FOXN3: variants seen among roughly 807,000 people sequenced by gnomAD.
FOXN3 encodes forkhead box protein N3.
A neutral mutation model predicts 38.4 loss-of-function variants in FOXN3; 7 were observed. The ratio of observed to expected loss-of-function variants is 0.18; its 90% CI spans 0.10 to 0.34. FOXN3 has a LOEUF of 0.34. Among genes scored for constraint, FOXN3 ranks in the 10% least tolerant of loss-of-function variants. FOXN3 has a pLI of 1.00. For synonymous variants in FOXN3, 230 were observed against 242.2 expected (o/e 0.95, Z 0.47); for missense variants, 456 against 613.4 (o/e 0.74, Z 2.71).
chr14:89,344,139 A>T (rs546624490), intron 3 of FOXN3, among the ~76,000 whole-genome samples: 4 of 152,344 alleles, frequency 2.6e-5, no homozygotes, highest in African/African-American at 9.6e-5. Flanking sequence ...CTAGATCAGC[A>T]AATGAGTCTT....
chr14:89,502,301 G>A (rs999541095), intron 1 of FOXN3, among the ~76,000 whole-genome samples: 1 of 152,234 alleles, frequency 6.6e-6, no homozygotes, highest in Admixed American at 6.5e-5. Flanking sequence ...CTGAAGGAGA[G>A]ACAAGGTGCA....
chr14:89,204,207 A>G (rs1173586457), intron 4 of FOXN3, among the ~76,000 whole-genome samples: 1 of 152,150 alleles, frequency 6.6e-6, no homozygotes, highest in East Asian at 1.9e-4. Flanking sequence ...CACATTTCCC[A>G]GTGGAGACTT....
In FOXN3 at chr14:89,360,751, C is replaced by CCACTACCACCTCCAGCACCACCTCCAG. The variant is rs1889484468; in HGVS notation, c.544-9944_544-9943insCTGGAGGTGGTGCTGGAGGTGGTAGTG. On this transcript the variant is annotated intron_variant, in intron 2 of 5. Transcript: ENST00000557258. ...ACCACCACCTCCAGCACCACCTCCA[C>CCACTACCACCTCCAGCACCACCTCCAG]CACCACCTCCACCACTACCACCTCC... 2.3e-5 allele frequency among the ~76,000 whole-genome samples: 2 copies of CCACTACCACCTCCAGCACCACCTCCAG among 85,888 alleles called. 1 individual carries two copies. The allele number at this position is 85,888 out of a possible 152,430, so 56.3% of individuals were successfully genotyped here.
At chr14:89,613,916 T>G (rs550524810) in intron 1 of FOXN3, among the ~76,000 whole-genome samples, 1 of 152,166 alleles carries the variant, frequency 6.6e-6, no homozygotes, top group Admixed American at 6.5e-5. Flanking sequence ...CAGAGGTGAA[T>G]CTAGTGATTG....
chr14:89,205,115 CT>C (rs1338014788), intron 4 of FOXN3, among the ~76,000 whole-genome samples: 8 of 151,374 alleles, frequency 5.3e-5, no homozygotes, highest in African/African-American at 1.9e-4. Context: ...CAGGAGTCTA[CT>C]TTGAAAGATG....
At chr14:89,304,853 C>T (rs759408675) in intron 3 of FOXN3, among the ~76,000 whole-genome samples, 5 of 150,724 alleles carry the variant, frequency 3.3e-5, no homozygotes, top group Admixed American at 6.6e-5. Context: ...GACCCTGACC[C>T]ATAATAGACA....
In FOXN3 at chr14:89,156,914, G is replaced by C. The variant is rs1171338327; in HGVS notation, c.*5500C>G. On this transcript the variant is annotated 3_prime_UTR_variant, in exon 6 of 6. Coordinates refer to ENST00000557258, the MANE Select transcript of FOXN3 (RefSeq NM_005197.4). Reference sequence around the variant, plus strand: ...AAATCTCATCTAAAAAAAAGGAGGAGAGGGGCTGGGGAACTCAGGCCACAG... The same window carrying C: ...AAATCTCATCTAAAAAAAAGGAGGACAGGGGCTGGGGAACTCAGGCCACAG... 2.6e-5 allele frequency: 4 copies of C among 152,548 alleles called. No homozygotes were observed. Among genetic ancestry groups the C allele is most frequent in the Non-Finnish European group, 5.9e-5 (4 of 68,034 alleles). 9.4% of individuals were successfully genotyped at this position (152,548 alleles called of 1,614,324 possible).
chr14:89,277,478 T>G (rs2139912519), intron 4 of FOXN3, among the ~76,000 whole-genome samples: 1 of 152,288 alleles, frequency 6.6e-6, no homozygotes, highest in East Asian at 1.9e-4. Flanking sequence ...GACTGTGAAC[T>G]GATGAAATGA....
intron 1 of FOXN3, among the ~76,000 whole-genome samples, chr14:89,439,012 C>A (rs1267464581): frequency 6.6e-6 from 1 of 152,128 alleles, no homozygotes; most frequent in Non-Finnish European, 1.5e-5. Context: ...CCCACCTCGG[C>A]CTCCCAAAGT....
intron 1 of FOXN3, among the ~76,000 whole-genome samples, chr14:89,426,594 T>C (rs1596268392): frequency 6.6e-6 from 1 of 152,164 alleles, no homozygotes; most frequent in East Asian, 1.9e-4. Context: ...AAACTACCAA[T>C]GATGAGGACT....
rs538975138 is a variant in FOXN3 at position 89,306,327 on chromosome 14, GACGCATGCACACACACACACACAC to G, written c.681-25337_681-25314del. ...ACACACACACACTCACAGACACACA[GACGCATGCACACACACACACACAC>G]ACACTTTGGTTCTCTTTTTTTTTTT... is the stretch of plus-strand genomic sequence containing the variant. On this transcript the variant is annotated intron_variant, in intron 3 of 5. Coordinates refer to ENST00000557258, the MANE Select transcript of FOXN3 (RefSeq NM_005197.4). Among the ~76,000 whole-genome samples, 442 of 129,390 alleles carry G rather than the reference GACGCATGCACACACACACACACAC, an allele frequency of 3.4e-3. 4 individuals are homozygous for G. Among genetic ancestry groups the G allele is most frequent in the African/African-American group, 0.011 (403 of 37,054 alleles). The allele number at this position is 129,390 out of a possible 152,430, so 84.9% of individuals were successfully genotyped here. A position where few individuals can be genotyped will look rare whatever the true frequency, so the allele number is the denominator to read the frequency against.
intron 3 of FOXN3, among the ~76,000 whole-genome samples, chr14:89,319,562 C>A (rs942969727): frequency 6.6e-6 from 1 of 152,028 alleles, no homozygotes; most frequent in Non-Finnish European, 1.5e-5. Context: ...ACAGTGTTTC[C>A]ACAAACGATG....
intron 4 of FOXN3, among the ~76,000 whole-genome samples, chr14:89,243,849 T>C (rs58188126): frequency 2.2e-4 from 33 of 152,294 alleles, no homozygotes; most frequent in African/African-American, 7.2e-4. Context: ...AATCTAAACA[T>C]AGCTGCGTCT....
At position 89,425,954 on chromosome 14, in the gene FOXN3, A is replaced by G. The variant is rs181470253; in HGVS notation, c.-14-13464T>C. On this transcript the variant is annotated intron_variant, in intron 1 of 6. Coordinates refer to the FOXN3 transcript ENST00000345097. ...CCAGAATGACGCTTATCTAATACACATTTTATCCATAAGGCATACCACAGC... is the reference window on the plus strand; with the variant it reads ...CCAGAATGACGCTTATCTAATACACGTTTTATCCATAAGGCATACCACAGC... Among the ~76,000 whole-genome samples the G allele has an allele frequency of 1.0e-3, 157 of 152,274 alleles. 1 individual carries two copies. The highest frequency in any genetic ancestry group is 1.3e-3 in the Non-Finnish European group (91 of 68,038).
At chr14:89,189,069 C>A (rs192479925) in intron 4 of FOXN3, among the ~76,000 whole-genome samples, 8 of 152,226 alleles carry the variant, frequency 5.3e-5, no homozygotes, top group Non-Finnish European at 1.0e-4. Flanking sequence ...CAGGTAATGG[C>A]AGCTCCAGGC....
intron 3 of FOXN3, among the ~76,000 whole-genome samples, chr14:89,285,872 T>TAA (rs1256567664): frequency 1.3e-5 from 2 of 150,642 alleles, no homozygotes; most frequent in African/African-American, 2.4e-5. Context: ...AATTTTTTTT[T>TAA]TTTTTTTTTT....
At chr14:89,174,334 A>G (rs2139787493) in intron 5 of FOXN3, among the ~76,000 whole-genome samples, 1 of 152,300 alleles carries the variant, frequency 6.6e-6, no homozygotes, top group Non-Finnish European at 1.5e-5. Flanking sequence ...AAAAAGGTAA[A>G]GGACGTCCAG....
intron 1 of FOXN3, among the ~76,000 whole-genome samples, chr14:89,475,251 T>C (rs187315939): frequency 7.2e-5 from 11 of 152,356 alleles, no homozygotes; most frequent in African/African-American, 2.4e-4. Context: ...GACCTATATA[T>C]AAAACAATAT....
intron 1 of FOXN3, among the ~76,000 whole-genome samples, chr14:89,561,191 G>A (rs971737030): frequency 1.6e-4 from 25 of 152,166 alleles, no homozygotes; most frequent in African/African-American, 5.5e-4. Context: ...ATCTTCAAAG[G>A]CAGTATTTTG....
Sources: allele counts gnomAD v4.1 joint callset (sites outside exome capture counted in the v4.1 genomes callset), GRCh38; gene constraint gnomAD v4.1.1; transcripts MANE v1.5; gene names NCBI Gene and HGNC (gene_info 2026-07-23, HGNC 2026-07-21).